Variants in TNIK observed in about 807,000 individuals in gnomAD.
TNIK encodes TRAF2 and NCK-interacting protein kinase.
A neutral mutation model predicts 191.3 loss-of-function variants in TNIK; 49 were observed. The ratio of observed to expected loss-of-function variants is 0.26; its 90% CI spans 0.20 to 0.32. The LOEUF (loss-of-function observed/expected upper bound fraction) is 0.32, where lower values mean the gene tolerates loss of function less well. Among genes scored for constraint, TNIK ranks in the 10% least tolerant of loss-of-function variants. TNIK has a pLI of 1.00. For synonymous variants in TNIK, 594 were observed against 600.9 expected, an observed-to-expected ratio of 0.99 and a Z score of 0.17; for missense variants, 1,155 against 1,702.3, an observed-to-expected ratio of 0.68 and a Z score of 5.66.
At position 171,216,526 on chromosome 3, in the gene TNIK, A is replaced by C. The variant is rs573632038; in HGVS notation, c.181-5285T>G. Reference sequence around the variant, plus strand: ...GAGCATGCCTTGAAATTTTAGTAGGATCTTCACAATCAATGCCATTCTGCA... The same window carrying C: ...GAGCATGCCTTGAAATTTTAGTAGGCTCTTCACAATCAATGCCATTCTGCA... On this transcript the variant is annotated intron_variant, in intron 3 of 32. Transcript: ENST00000436636. Among the ~76,000 whole-genome samples, 4 of 152,312 alleles carry C rather than the reference A, an allele frequency of 2.6e-5. No homozygotes were observed. The South Asian group carries it at 8.3e-4, about 32-fold the overall frequency.
intron 23 of TNIK, among the ~76,000 whole-genome samples, chr3:171,088,374 A>G (rs1017421727): frequency 4.0e-5 from 6 of 151,812 alleles, no homozygotes; most frequent in Admixed American, 2.0e-4. Context: ...AGCTGGGATT[A>G]CAGGCATGTG....
chr3:171,119,930 T>G (rs960539956), intron 18 of TNIK, among the ~76,000 whole-genome samples: 1 of 152,186 alleles, frequency 6.6e-6, no homozygotes, highest in Admixed American at 6.5e-5. Context: ...ACATGTACCC[T>G]AAAACTTAAA....
chr3:171,412,015 T>C (rs1722489449), intron 1 of TNIK, among the ~76,000 whole-genome samples: 1 of 152,200 alleles, frequency 6.6e-6, no homozygotes, highest in African/African-American at 2.4e-5. Flanking sequence ...CCTGCTCTTA[T>C]AGCAGGTCTT....
At chr3:171,186,409 T>A (rs1011351726) in intron 7 of TNIK, among the ~76,000 whole-genome samples, 1 of 152,246 alleles carries the variant, frequency 6.6e-6, no homozygotes, top group Non-Finnish European at 1.5e-5. Context: ...ATTTGATTTG[T>A]CTAAGATGTC....
chr3:171,132,792 T>C (rs999410122), intron 15 of TNIK, among the ~76,000 whole-genome samples: 1 of 152,216 alleles, frequency 6.6e-6, no homozygotes, highest in African/African-American at 2.4e-5. Flanking sequence ...ATTCTAATAA[T>C]ATTTTATAAT....
At chr3:171,327,910 A>AC (rs1755974479) in intron 2 of TNIK, among the ~76,000 whole-genome samples, 1 of 60,914 alleles carries the variant, frequency 1.6e-5, no homozygotes. Flanking sequence ...TAAAAAAAAA[A>AC]AAAAAAAAAA....
chr3:171,315,055 T>C (rs1754457067), intron 2 of TNIK, among the ~76,000 whole-genome samples: 1 of 152,140 alleles, frequency 6.6e-6, no homozygotes, highest in Admixed American at 6.6e-5. Flanking sequence ...TCCTGCTTTA[T>C]CCTGAAGTGA....
intron 2 of TNIK, among the ~76,000 whole-genome samples, chr3:171,324,837 G>A (rs1285354433): frequency 1.3e-5 from 2 of 152,056 alleles, no homozygotes; most frequent in Admixed American, 1.3e-4. Flanking sequence ...GGTGGCTCAC[G>A]CCTGTAATCC....
intron 28 of TNIK, among the ~76,000 whole-genome samples, chr3:171,078,513 A>G (rs921069515): frequency 6.6e-6 from 1 of 150,736 alleles, no homozygotes; most frequent in East Asian, 1.9e-4. Context: ...TTCTTGTTTT[A>G]TAGAAAGAAG....
intron 14 of TNIK, 66 bp from the exon 15 acceptor site, chr3:171,138,445 AC>A: frequency 1.4e-6 from 2 of 1,413,252 alleles, no homozygotes. Flanking sequence ...ATCGGCCAGT[AC>A]CAGATAAGCA....
chr3:171,459,700 A>ACACACG lies in TNIK; in HGVS notation c.57+306_57+307insCGTGTG, dbSNP rs1012502406. 4.6e-5 allele frequency among the ~76,000 whole-genome samples: 7 copies of ACACACG among 151,798 alleles called. 1 individual carries two copies. The highest frequency in any genetic ancestry group is 1.7e-4 in the African/African-American group (7 of 41,288). On this transcript the variant is annotated intron_variant, in intron 1 of 32. Transcript: ENST00000436636. ...TACACACACACACACACACACACAC[A>ACACACG]CACGCACACACGCCTTTCATTTTAA...
chr3:171,144,649 T>C (rs1360012823), intron 12 of TNIK, among the ~76,000 whole-genome samples: 2 of 152,218 alleles, frequency 1.3e-5, no homozygotes, highest in African/African-American at 4.8e-5. Context: ...AAACCTTTTA[T>C]AGCTATTTTG....
At chr3:171,107,269 A>C in intron 20 of TNIK, 63 bp from the exon 21 acceptor site, 1 of 1,522,174 alleles carries the variant, frequency 6.6e-7, no homozygotes, top group Non-Finnish European at 9.0e-7. Context: ...GCAGAAAGGC[A>C]GCAGATTAGA....
chr3:171,330,733 A>T lies in TNIK; in HGVS notation c.123+38887T>A, dbSNP rs1032210523. On this transcript the variant is annotated intron_variant, in intron 2 of 32. Coordinates refer to ENST00000436636, the MANE Select transcript of TNIK (RefSeq NM_015028.4). ...CTTCTGTTCCCACTATATCCTCCAA[A>T]CCCAACCCCAATGAGAACCACTACT... 7.9e-5 allele frequency among the ~76,000 whole-genome samples: 12 copies of T among 152,246 alleles called. No homozygotes were observed. The South Asian group carries it at 1.5e-3, about 18-fold the overall frequency.
At chr3:171,190,449 CA>C (rs1222860354) in intron 6 of TNIK, among the ~76,000 whole-genome samples, 2 of 152,002 alleles carry the variant, frequency 1.3e-5, no homozygotes, top group East Asian at 1.9e-4. Context: ...TCTGCTGAAA[CA>C]AAAAAATCTC....
chr3:171,279,487 T>C (rs1750176622), intron 2 of TNIK, among the ~76,000 whole-genome samples: 1 of 152,180 alleles, frequency 6.6e-6, no homozygotes, highest in Non-Finnish European at 1.5e-5. Context: ...CTTCCAAGAA[T>C]TATACCGATT....
chr3:171,330,823 G>T (rs969003626), intron 2 of TNIK, among the ~76,000 whole-genome samples: 8 of 152,142 alleles, frequency 5.3e-5, no homozygotes, highest in African/African-American at 1.9e-4. Flanking sequence ...GTCATGCCAT[G>T]TTAATCTATT....
At chr3:171,153,416 A>G (rs551015910) in intron 12 of TNIK, among the ~76,000 whole-genome samples, 22 of 152,118 alleles carry the variant, frequency 1.4e-4, no homozygotes, top group Non-Finnish European at 3.1e-4. Context: ...CATGGATTGT[A>G]CTACTACTAT....
At chr3:171,323,109 C>T (rs1454187343) in intron 2 of TNIK, among the ~76,000 whole-genome samples, 2 of 152,006 alleles carry the variant, frequency 1.3e-5, no homozygotes, top group Admixed American at 1.3e-4. Context: ...GCTACAAGAG[C>T]GGTAGTTGAT....
Sources: gnomAD v4.1 joint callset for allele counts (sites outside exome capture counted in the v4.1 genomes callset) on GRCh38, gnomAD v4.1.1 for gene constraint, MANE v1.5 for transcripts, NCBI Gene and HGNC (gene_info 2026-07-23, HGNC 2026-07-21) for gene names.